CYP2S1: variants seen among roughly 807,000 people sequenced by gnomAD.
CYP2S1 encodes cytochrome P450 family 2 subfamily S member 1.
CYP2S1 carries 32 observed loss-of-function variants against 43.5 expected under a neutral mutation model. The observed-to-expected ratio is 0.74, with a 90% CI of 0.56 to 0.99. The LOEUF (loss-of-function observed/expected upper bound fraction) is 0.99, where lower values mean the gene tolerates loss of function less well. CYP2S1 is among the 50% of genes least tolerant of loss of function. The pLI is 0.00. For synonymous variants in CYP2S1, 283 were observed against 302.9 expected, an observed-to-expected ratio of 0.93 and a Z score of 0.68; for missense variants, 575 against 673.9, an observed-to-expected ratio of 0.85 and a Z score of 1.62.
In CYP2S1 at chr19:41,198,343, C is replaced by A; in HGVS notation, c.494-119C>A. 7.5e-7 allele frequency: 1 copy of A among 1,331,296 alleles called. No homozygotes were observed. Among genetic ancestry groups the A allele is most frequent in the South Asian group, 1.3e-5 (1 of 75,224 alleles). 82.5% of individuals were successfully genotyped at this position (1,331,296 alleles called of 1,614,324 possible). A position where few individuals can be genotyped will look rare whatever the true frequency, so the allele number is the denominator to read the frequency against. On this transcript the variant is annotated intron_variant, in intron 3 of 8. Transcript: ENST00000310054. This position sits in a 1 kb window ranked among gnomAD's most constrained non-coding sequence, Gnocchi z 4.9. The stretch of plus-strand genomic sequence containing the variant: ...CTTCTTTGCCTGTTTAGCTCTCTCC[C>A]TGCGCTGTCCATCCATCTTTCCCTG...
At chr19:41,205,426 C>T (rs1264706716) in intron 7 of CYP2S1, among the ~76,000 whole-genome samples, 14 of 61,084 alleles carry the variant, frequency 2.3e-4, no homozygotes, top group African/African-American at 1.9e-3. Flanking sequence ...CTTTCTCTCT[C>T]TCTCTCTTTC....
chr19:41,203,675 C>G (rs953883684), intron 7 of CYP2S1, 38 bp downstream of exon 7: 1 of 1,475,364 alleles, frequency 6.8e-7, no homozygotes, highest in African/African-American at 1.4e-5. Context: ...GGTTCTCTGC[C>G]TCGGGGCCTG....
intron 2 of CYP2S1, among the ~76,000 whole-genome samples, chr19:41,196,244 C>T (rs542797175): frequency 6.6e-6 from 1 of 152,248 alleles, no homozygotes; most frequent in South Asian, 2.1e-4. Context: ...ACAGGGGATC[C>T]TGACGCCCTT....
At chr19:41,203,220 A>G (rs1454038458) in intron 6 of CYP2S1, among the ~76,000 whole-genome samples, 3 of 147,576 alleles carry the variant, frequency 2.0e-5, no homozygotes, top group Non-Finnish European at 3.0e-5. Flanking sequence ...TGCAAAAAAA[A>G]ATAATAATAA....
At chr19:41,203,808 C>A (rs960998787) in intron 7 of CYP2S1, among the ~76,000 whole-genome samples, 171 bp downstream of exon 7, 11 of 151,458 alleles carry the variant, frequency 7.3e-5, no homozygotes, top group African/African-American at 2.7e-4. Flanking sequence ...CCACTCCTAC[C>A]CCCCTGCATC....
At position 41,193,318 on chromosome 19, in the gene CYP2S1, G is replaced by C; in HGVS notation, c.54G>C (p.Leu18=). 3 of 1,541,654 alleles carry C rather than the reference G, an allele frequency of 1.9e-6. No individual in the cohort carries two copies. The highest frequency in any genetic ancestry group is 2.6e-6 in the Non-Finnish European group (3 of 1,144,058). ...ALLLALALLL[L]LTLALSGTRA... ...TGCTGGCGCTGGCGCTGCTCCTGCT[G>C]CTGACGCTGGCGCTGTCCGGGACCA... Residue 18 remains leucine, a synonymous_variant, in exon 1 of 9, where the codon CTG becomes CTC. Coordinates refer to ENST00000310054, the MANE Select transcript of CYP2S1 (RefSeq NM_030622.8).
In CYP2S1 at chr19:41,201,374, T is replaced by TC; in HGVS notation, c.976+2_976+3insC. 6.2e-7 allele frequency: 1 copy of TC among 1,613,340 alleles called. No individual in the cohort carries two copies. The highest frequency in any genetic ancestry group is 8.5e-7 in the Non-Finnish European group (1 of 1,179,650). ...TGATGAAATACCCTCATGTCCAAAGTAAGAGCCTTTTCCACTTGCCAGGCC... is the reference window on the plus strand; with the variant it reads ...TGATGAAATACCCTCATGTCCAAAGTCAAGAGCCTTTTCCACTTGCCAGGCC... On this transcript the variant is annotated splice_region_variant and intron_variant, in intron 6 of 8. Transcript: ENST00000310054.
At chr19:41,194,485 G>A in intron 1 of CYP2S1, 59 bp from the exon 2 acceptor site, 1 of 1,490,274 alleles carries the variant, frequency 6.7e-7, no homozygotes, top group African/African-American at 1.4e-5. Context: ...GGCCATGATG[G>A]AGACACCTTG....
At chr19:41,196,509 G>T (rs1041573315) in intron 2 of CYP2S1, among the ~76,000 whole-genome samples, 2 of 152,118 alleles carry the variant, frequency 1.3e-5, no homozygotes, top group Non-Finnish European at 2.9e-5. Flanking sequence ...TGATGGGGAG[G>T]CTGGGAGGTC....
chr19:41,194,229 G>T (rs2033380195), intron 1 of CYP2S1, among the ~76,000 whole-genome samples: 1 of 152,098 alleles, frequency 6.6e-6, no homozygotes, highest in African/African-American at 2.4e-5. Flanking sequence ...GGGGGGCAGG[G>T]AGGGCCCTAA....
Position 41,206,058 on chromosome 19 carries a change from G to A in CYP2S1, c.1265G>A (p.Gly422Glu). The change falls in exon 8 of 9, where the codon GGA becomes GAA. Residue 422 changes from glycine to glutamate, a missense_variant. This residue lies in a region of CYP2S1 where 222 missense variants were observed against 306.3 expected (regional missense o/e 0.72). Transcript: ENST00000310054. ...FNPDRFLDAD[G>E]RFRKHEAFLP... ...CCAGACCGTTTCCTGGATGCAGATG[G>A]ACGGTTCAGGAAGCATGAGGCGTTC... 6.2e-7 allele frequency: 1 copy of A among 1,614,114 alleles called. No homozygotes were observed. The highest frequency in any genetic ancestry group is 8.5e-7 in the Non-Finnish European group (1 of 1,180,032).
chr19:41,206,169 C>T (rs562866365), intron 8 of CYP2S1, 70 bp downstream of exon 8: 81 of 1,604,194 alleles, frequency 5.0e-5, no homozygotes, highest in Non-Finnish European at 6.8e-5. Flanking sequence ...CAGCTGGGGG[C>T]ACCCTTCTGC....
intron 2 of CYP2S1, among the ~76,000 whole-genome samples, chr19:41,197,197 T>A (rs2033423572): frequency 1.3e-5 from 2 of 151,506 alleles, no homozygotes; most frequent in Non-Finnish European, 2.9e-5. Flanking sequence ...CTCGTCTCAA[T>A]AATAATAATA....
intron 6 of CYP2S1, among the ~76,000 whole-genome samples, chr19:41,202,991 C>T (rs1166719259): frequency 1.3e-5 from 2 of 150,996 alleles, no homozygotes; most frequent in East Asian, 2.0e-4. Context: ...GTCCCAGCTA[C>T]TCGGGAGGCT....
rs775196839 is a variant in CYP2S1, at chr19:41,207,233, G to A, written c.*745G>A. 27 of 244,154 alleles carry A rather than the reference G, an allele frequency of 1.1e-4. No individual in the cohort carries two copies. Among genetic ancestry groups the A allele is most frequent in the Admixed American group, 2.5e-4 (5 of 19,950 alleles). The allele number at this position is 244,154 out of a possible 1,614,324, so 15.1% of individuals were successfully genotyped here. A position where few individuals can be genotyped will look rare whatever the true frequency, so the allele number is the denominator to read the frequency against. On this transcript the variant is annotated 3_prime_UTR_variant, in exon 9 of 9. Coordinates refer to ENST00000310054, the MANE Select transcript of CYP2S1 (RefSeq NM_030622.8). ...CAAATGCAAACACATCTGGGTCTGC[G>A]ATTATGCACAGAGACTTTGGACATA...
chr19:41,193,445 A>G lies in CYP2S1; in HGVS notation c.177+4A>G. 6.9e-7 allele frequency: 1 copy of G among 1,444,406 alleles called. No homozygotes were observed. Among genetic ancestry groups the G allele is most frequent in the Non-Finnish European group, 9.1e-7 (1 of 1,094,326 alleles). 89.5% of individuals were successfully genotyped at this position (1,444,406 alleles called of 1,614,324 possible). A position where few individuals can be genotyped will look rare whatever the true frequency, so the allele number is the denominator to read the frequency against. The stretch of plus-strand genomic sequence containing the variant: ...GCTGTATTCAGGGCTCATGCGGGTA[A>G]GGGGCTCTGGGGACGTCCTGGCTAG... On this transcript the variant is annotated splice_donor_region_variant and intron_variant, in intron 1 of 8. Coordinates refer to ENST00000310054, the MANE Select transcript of CYP2S1 (RefSeq NM_030622.8).
intron 2 of CYP2S1, among the ~76,000 whole-genome samples, chr19:41,197,059 G>A (rs928476879): frequency 1.3e-5 from 2 of 152,176 alleles, no homozygotes; most frequent in African/African-American, 2.4e-5. Flanking sequence ...GCTGGGCGTA[G>A]TGGCATATGC....
At chr19:41,200,137 AT>A (rs1432181444) in intron 5 of CYP2S1, among the ~76,000 whole-genome samples, 2 of 151,760 alleles carry the variant, frequency 1.3e-5, no homozygotes, top group Non-Finnish European at 2.9e-5. Flanking sequence ...AGAAAGAAAA[AT>A]TTTTCTTAAC....
Position 41,206,377 on chromosome 19 carries a change from G to A in CYP2S1, c.1404G>A (p.Pro468=), listed in dbSNP as rs1357641992. 1.9e-5 allele frequency: 30 copies of A among 1,613,944 alleles called. No homozygotes were observed. The highest frequency in any genetic ancestry group is 2.5e-5 in the Non-Finnish European group (29 of 1,180,028). ...CCTTCTCCCTGGAGAGCCCGTGCCC[G>A]CCGGACACCCTGAGCCTCAAGCCCA... ...LQAFSLESPC[P]PDTLSLKPTV... Residue 468 remains proline, a synonymous_variant, in exon 9 of 9, where the codon CCG becomes CCA. Transcript: ENST00000310054.
Sources: gnomAD v4.1 joint callset for allele counts (sites outside exome capture counted in the v4.1 genomes callset) on GRCh38, gnomAD v4.1.1 for gene constraint, gnomAD v4.1.1 regional missense constraint, Gnocchi (gnomAD v3.1) non-coding constraint, MANE v1.5 for transcripts, NCBI Gene and HGNC (gene_info 2026-07-23, HGNC 2026-07-21) for gene names.